Variants in KIAA1217 observed in about 807,000 individuals in gnomAD.
KIAA1217 encodes KIAA1217.
In KIAA1217, 88 loss-of-function variants were observed where a neutral mutation model predicts 163.9. The observed-to-expected ratio is 0.54, with a 90% confidence interval of 0.45 to 0.64. The LOEUF is 0.64. Ranked by LOEUF, KIAA1217 falls within the 30% of genes least tolerant of loss-of-function variation. The probability of loss-of-function intolerance (pLI) is 0.00; values close to 1 mark genes in which losing one functional copy is unlikely to be tolerated. For missense variants in KIAA1217, 2,372 were observed against 2,475.0 expected (o/e 0.96, Z 0.88); for synonymous variants, 903 against 923.1 (o/e 0.98, Z 0.39).
At chr10:24,444,820 T>C (rs935390212) in intron 5 of KIAA1217, among the ~76,000 whole-genome samples, 3 of 152,308 alleles carry the variant, frequency 2.0e-5, no homozygotes, top group Non-Finnish European at 4.4e-5. Flanking sequence ...TAGAATTAAA[T>C]TTGTGGCCCA....
intron 1 of KIAA1217, among the ~76,000 whole-genome samples, chr10:23,929,209 T>C (rs1843149806): frequency 6.6e-6 from 1 of 152,236 alleles, no homozygotes; most frequent in South Asian, 2.1e-4. Context: ...AAATCTCTCA[T>C]TTATTGTCAA....
chr10:24,438,046 T>C (rs1346201880), intron 4 of KIAA1217, among the ~76,000 whole-genome samples: 1 of 150,902 alleles, frequency 6.6e-6, no homozygotes, highest in East Asian at 1.9e-4. Flanking sequence ...GTATTGTAAA[T>C]ATTGGAACTT....
intron 1 of KIAA1217, among the ~76,000 whole-genome samples, chr10:24,007,044 A>T (rs191908812): frequency 1.3e-5 from 2 of 152,162 alleles, no homozygotes; most frequent in Non-Finnish European, 2.9e-5. Flanking sequence ...CTTGAACTCT[A>T]ACTTTGGATA....
At chr10:24,448,869 T>C (rs2061173276) in intron 5 of KIAA1217, among the ~76,000 whole-genome samples, 1 of 152,230 alleles carries the variant, frequency 6.6e-6, no homozygotes, top group Non-Finnish European at 1.5e-5. Flanking sequence ...ATCCTGAAGA[T>C]ATATTGGCAA....
At chr10:23,706,053 A>G (rs1802123987) in intron 1 of KIAA1217, among the ~76,000 whole-genome samples, 1 of 152,068 alleles carries the variant, frequency 6.6e-6, no homozygotes, top group Non-Finnish European at 1.5e-5. Flanking sequence ...TGATTTTTGA[A>G]TTGTTCATTG....
upstream of KIAA1217, among the ~76,000 whole-genome samples, chr10:24,205,942 T>C (rs1374813089): frequency 6.6e-6 from 1 of 152,224 alleles, no homozygotes; most frequent in Non-Finnish European, 1.5e-5. Context: ...TCAACACCAA[T>C]AATGGTCCAG....
At chr10:23,710,545 A>G (rs1232647668) in intron 1 of KIAA1217, among the ~76,000 whole-genome samples, 1 of 152,240 alleles carries the variant, frequency 6.6e-6, no homozygotes, top group Non-Finnish European at 1.5e-5. Flanking sequence ...GAGTAGCCTT[A>G]TTGATAAGCA....
rs186795258 is a variant in KIAA1217, at chr10:23,760,388, C to T, written c.-321+65154C>T. ...CCCTCAGGCTTTCACACTATCTTAA[C>T]GGGACTAATAGTTGAGTTAGTTAAG... On this transcript the variant is annotated intron_variant, in intron 1 of 18. Transcript: ENST00000376462. Among the ~76,000 whole-genome samples, 59 of 152,254 alleles carry T rather than the reference C, an allele frequency of 3.9e-4. No individual in the cohort carries two copies. The East Asian group carries it at 8.5e-3, about 22-fold the overall frequency.
chr10:24,255,673 T>C (rs532162905), intron 2 of KIAA1217: 14 of 339,144 alleles, frequency 4.1e-5, no homozygotes, highest in African/African-American at 2.6e-4. Flanking sequence ...TGTTTCTAAC[T>C]ATCTGGACAG....
intron 2 of KIAA1217, among the ~76,000 whole-genome samples, chr10:24,184,764 CT>C (rs1371675327): frequency 1.2e-4 from 19 of 152,294 alleles, no homozygotes; most frequent in African/African-American, 4.3e-4. Flanking sequence ...ATGATTGTCC[CT>C]TTTCCTAGTT....
intron 1 of KIAA1217, among the ~76,000 whole-genome samples, chr10:23,965,817 C>G (rs138330861): frequency 6.6e-6 from 1 of 152,268 alleles, no homozygotes; most frequent in African/African-American, 2.4e-5. Flanking sequence ...GAAAGAAGCA[C>G]CATACTCTGT....
At chr10:23,746,223 C>T (rs1193835638) in intron 1 of KIAA1217, among the ~76,000 whole-genome samples, 1 of 152,122 alleles carries the variant, frequency 6.6e-6, no homozygotes, top group Admixed American at 6.5e-5. Context: ...GCACCTCCAT[C>T]CCCTCTGTCT....
chr10:23,883,286 G>A (rs1841031409), intron 1 of KIAA1217, among the ~76,000 whole-genome samples: 1 of 151,888 alleles, frequency 6.6e-6, no homozygotes, highest in African/African-American at 2.4e-5. Context: ...GGAAAGGCAT[G>A]AGACTAGAGA....
intron 1 of KIAA1217, among the ~76,000 whole-genome samples, chr10:23,704,146 A>ATGTG (rs1241004091): frequency 1.5e-3 from 100 of 64,808 alleles, no homozygotes; most frequent in South Asian, 7.1e-3. Context: ...GTGTGTGTGT[A>ATGTG]TGTGTGTGTG....
chr10:24,122,154 C>G (rs1026474079), intron 2 of KIAA1217, among the ~76,000 whole-genome samples: 1 of 152,032 alleles, frequency 6.6e-6, no homozygotes, highest in East Asian at 1.9e-4. Context: ...CCCTTCCCCC[C>G]ACCCTTTTGG....
intron 1 of KIAA1217, among the ~76,000 whole-genome samples, chr10:23,929,758 A>G (rs1024847975): frequency 1.3e-5 from 2 of 152,216 alleles, no homozygotes; most frequent in Non-Finnish European, 2.9e-5. Context: ...TAGTGCTGCA[A>G]TAAACGTATG....
chr10:23,969,159 C>T (rs1205093388), intron 1 of KIAA1217, among the ~76,000 whole-genome samples: 1 of 152,142 alleles, frequency 6.6e-6, no homozygotes, highest in Non-Finnish European at 1.5e-5. Context: ...CTCAGCCTCC[C>T]AAGTAGCTGG....
intron 2 of KIAA1217, among the ~76,000 whole-genome samples, chr10:24,155,769 G>A (rs1208669818): frequency 1.3e-5 from 2 of 151,986 alleles, no homozygotes; most frequent in Non-Finnish European, 2.9e-5. Context: ...GTTGCAGTGA[G>A]CCAAGATCAA....
At chr10:24,454,152 C>A (rs563012299) in intron 5 of KIAA1217, among the ~76,000 whole-genome samples, 1 of 152,268 alleles carries the variant, frequency 6.6e-6, no homozygotes, top group South Asian at 2.1e-4. Context: ...TCAAGACGAT[C>A]AGCATCGTAC....
Sources: allele counts gnomAD v4.1 joint callset (sites outside exome capture counted in the v4.1 genomes callset), GRCh38; gene constraint gnomAD v4.1.1; transcripts MANE v1.5; gene names NCBI Gene and HGNC (gene_info 2026-07-23, HGNC 2026-07-21).